Variants in FAM20B observed in about 807,000 individuals in gnomAD.
FAM20B encodes the protein FAM20B glycosaminoglycan xylosylkinase.
FAM20B carries 23 observed loss-of-function variants against 43.8 expected under a neutral mutation model. The ratio of observed to expected loss-of-function variants is 0.53; its 90% CI spans 0.38 to 0.74. The LOEUF (loss-of-function observed/expected upper bound fraction) is 0.74, where lower values mean the gene tolerates loss of function less well. Ranked by LOEUF, FAM20B falls within the 30% of genes least tolerant of loss-of-function variation. The pLI, the probability that FAM20B is intolerant of heterozygous loss-of-function variation, is 0.00. For missense variants in FAM20B, 440 were observed against 510.5 expected, an observed-to-expected ratio of 0.86 and a Z score of 1.33; for synonymous variants, 178 against 192.4, an observed-to-expected ratio of 0.93 and a Z score of 0.62.
At chr1:179,024,828 TACA>T (rs1182477529), upstream of FAM20B, among the ~76,000 whole-genome samples, 2 of 152,206 alleles carry the variant, frequency 1.3e-5, no homozygotes, top group Admixed American at 6.5e-5. Flanking sequence ...ACTTAATCCT[TACA>T]ACAACCCTGT....
intron 4 of FAM20B, among the ~76,000 whole-genome samples, chr1:179,056,060 CAT>C (rs1015682697): frequency 6.6e-6 from 1 of 152,196 alleles, no homozygotes; most frequent in African/African-American, 2.4e-5. Context: ...CCGTCACATG[CAT>C]AGTTTCCCCC....
At chr1:179,033,391 A>T (rs537330342) in intron 1 of FAM20B, among the ~76,000 whole-genome samples, 170 of 152,388 alleles carry the variant, frequency 1.1e-3, no homozygotes, top group Admixed American at 2.4e-3. Context: ...TATAAATGAC[A>T]TGTAACTTTT....
At chr1:179,063,448 C>T (rs9728409) in intron 4 of FAM20B, among the ~76,000 whole-genome samples, 3,224 of 152,124 alleles carry the variant, frequency 0.021, 130 homozygotes, top group African/African-American at 0.075. Flanking sequence ...ATTAGCTGGG[C>T]ATGGAGGCAT....
intron 1 of FAM20B, among the ~76,000 whole-genome samples, chr1:179,042,655 CG>C (rs1650593658): frequency 6.6e-6 from 1 of 152,120 alleles, no homozygotes; most frequent in African/African-American, 2.4e-5. Flanking sequence ...CCATGCCCCA[CG>C]CTGACAACTG....
chr1:179,043,696 T>G lies in FAM20B; in HGVS notation c.-133-19T>G, dbSNP rs1650639727. On this transcript the variant is annotated intron_variant, in intron 1 of 7. Coordinates refer to ENST00000263733, the MANE Select transcript of FAM20B (RefSeq NM_014864.4). The stretch of plus-strand genomic sequence containing the variant: ...GACAGAATTTTTGATCAAATTTTGC[T>G]TTGTACTTGGGCTTGCAGGAACTGT... 1 of 718,100 alleles carries G rather than the reference T, an allele frequency of 1.4e-6. No homozygotes were observed. Among genetic ancestry groups the G allele is most frequent in the Admixed American group, 3.1e-5 (1 of 32,378 alleles). The allele number at this position is 718,100 out of a possible 1,614,324, so 44.5% of individuals were successfully genotyped here. A position where few individuals can be genotyped will look rare whatever the true frequency, so the allele number is the denominator to read the frequency against.
Position 179,064,096 on chromosome 1 carries a change from C to T in FAM20B, c.744C>T (p.Ala248=). 6.2e-7 allele frequency: 1 copy of T among 1,607,594 alleles called. No homozygotes were observed. Residue 248 remains alanine, a splice_region_variant and synonymous_variant, in exon 5 of 8, where the codon GCC becomes GCT. Coordinates refer to ENST00000263733, the MANE Select transcript of FAM20B (RefSeq NM_014864.4). ...GGACTTACCGAGAAGGCAAATTGGC[C>T]AGGTAAATGCTCCTATGAGCCATTA... The part of the protein sequence containing the change: ...WGRTYREGKL[A]RWEYDESYCD...
chr1:179,063,442 G>A (rs1187001244), intron 4 of FAM20B, among the ~76,000 whole-genome samples: 1 of 152,006 alleles, frequency 6.6e-6, no homozygotes, highest in Non-Finnish European at 1.5e-5. Flanking sequence ...ACAAAAATTA[G>A]CTGGGCATGG....
chr1:179,055,209 ACT>A (rs1651161167), intron 4 of FAM20B, among the ~76,000 whole-genome samples: 5 of 152,126 alleles, frequency 3.3e-5, no homozygotes, highest in Admixed American at 2.6e-4. Flanking sequence ...CATTATCTTA[ACT>A]CTGAGGTAAG....
chr1:179,044,764 C>T (rs920489655), intron 2 of FAM20B, among the ~76,000 whole-genome samples: 1 of 152,212 alleles, frequency 6.6e-6, no homozygotes, highest in African/African-American at 2.4e-5. Flanking sequence ...TATAAACATC[C>T]ATGTGCAGGT....
chr1:179,046,254 G>C (rs549071971), intron 2 of FAM20B, among the ~76,000 whole-genome samples: 1 of 152,320 alleles, frequency 6.6e-6, no homozygotes, highest in African/African-American at 2.4e-5. Flanking sequence ...ATCAAAAATC[G>C]CATTTAGCTT....
At chr1:179,066,045 TACTGTTGG>T (rs1651676843) in intron 6 of FAM20B, among the ~76,000 whole-genome samples, 1 of 152,166 alleles carries the variant, frequency 6.6e-6, no homozygotes, top group Non-Finnish European at 1.5e-5. Context: ...TACTTCTTAA[TACTGTTGG>T]ACTGTTGTAC....
At chr1:179,018,712 G>A in the FAM20B span, among the ~76,000 whole-genome samples, 46 of 152,282 alleles carry the variant, frequency 3.0e-4, no homozygotes, top group African/African-American at 9.6e-4. Flanking sequence ...AGTTTGTGGG[G>A]ACACACTCAT....
At chr1:179,064,213 A>T in intron 5 of FAM20B, 92 bp from the exon 6 acceptor site, 1 of 1,425,436 alleles carries the variant, frequency 7.0e-7, no homozygotes. Context: ...AGTCAGGGGC[A>T]AACCGGTAGG....
upstream of FAM20B, among the ~76,000 whole-genome samples, chr1:179,021,700 G>C (rs1327325114): frequency 2.0e-5 from 3 of 151,924 alleles, no homozygotes; most frequent in Non-Finnish European, 4.4e-5. Flanking sequence ...CAGATTTAAA[G>C]AACAAAATAA....
chr1:179,054,156 A>G (rs1651118252), intron 3 of FAM20B, among the ~76,000 whole-genome samples: 1 of 151,224 alleles, frequency 6.6e-6, no homozygotes, highest in Non-Finnish European at 1.5e-5. Context: ...ATTTGAACCC[A>G]TATATGAGTT....
upstream of FAM20B, among the ~76,000 whole-genome samples, chr1:179,024,859 T>C (rs1466704665): frequency 6.6e-6 from 1 of 152,226 alleles, no homozygotes; most frequent in Non-Finnish European, 1.5e-5. Flanking sequence ...TTAACTCCCA[T>C]TTTCCAGTTA....
At chr1:179,058,567 G>C (rs1403602703) in intron 4 of FAM20B, among the ~76,000 whole-genome samples, 1 of 152,184 alleles carries the variant, frequency 6.6e-6, no homozygotes, top group Non-Finnish European at 1.5e-5. Context: ...AGCTGGTCAG[G>C]ACAGTGTCAC....
rs554941373 is a variant in FAM20B at position 179,063,852 on chromosome 1, T to C, written c.575-75T>C. 3.6e-5 allele frequency: 38 copies of C among 1,053,334 alleles called. No individual in the cohort carries two copies. In the African/African-American group the frequency reaches 5.9e-4, roughly 16 times the overall value. The allele number at this position is 1,053,334 out of a possible 1,614,324, so 65.2% of individuals were successfully genotyped here. Reference sequence around the variant, plus strand: ...CATGCTTATTTACTTAGCTACTCTGTTCTGCATTATTTGGGAGAGAACTTG... The same window carrying C: ...CATGCTTATTTACTTAGCTACTCTGCTCTGCATTATTTGGGAGAGAACTTG... On this transcript the variant is annotated intron_variant, in intron 4 of 7. Transcript: ENST00000263733.
rs545517610 is a variant in FAM20B at position 179,037,753 on chromosome 1, T to C, written c.-133-5962T>C. Among the ~76,000 whole-genome samples the C allele has an allele frequency of 1.7e-3, 266 of 152,118 alleles. 1 individual carries two copies. The highest frequency in any genetic ancestry group is 2.6e-3 in the Non-Finnish European group (180 of 67,992). The stretch of plus-strand genomic sequence containing the variant: ...CTGCCTGCCTCGGCCTCCCAAAGTG[T>C]TGGGATTACAGGCGTGAGGCACTGT... On this transcript the variant is annotated intron_variant, in intron 1 of 7. Coordinates refer to ENST00000263733, the MANE Select transcript of FAM20B (RefSeq NM_014864.4).
Sources: gnomAD v4.1 joint callset for allele counts (sites outside exome capture counted in the v4.1 genomes callset) on GRCh38, gnomAD v4.1.1 for gene constraint, MANE v1.5 for transcripts, NCBI Gene and HGNC (gene_info 2026-07-23, HGNC 2026-07-21) for gene names.